Variants in OTUD4 observed in about 807,000 individuals in gnomAD.
The protein encoded by OTUD4 is OTU domain-containing protein 4.
A neutral mutation model predicts 130.4 loss-of-function variants in OTUD4; 24 were observed. The observed-to-expected ratio is 0.18, with a 90% confidence interval of 0.13 to 0.26. The LOEUF (loss-of-function observed/expected upper bound fraction) is 0.26. Among genes scored for constraint, OTUD4 ranks in the 10% least tolerant of loss-of-function variants. The pLI, the probability that OTUD4 is intolerant of heterozygous loss-of-function variation, is 1.00. For synonymous variants in OTUD4, 420 were observed against 472.5 expected (o/e 0.89, Z 1.44); for missense variants, 1,031 against 1,329.4 (o/e 0.78, Z 3.49).
At chr4:145,160,551 A>G (rs890242253) in intron 6 of OTUD4, among the ~76,000 whole-genome samples, 1 of 152,168 alleles carries the variant, frequency 6.6e-6, no homozygotes, top group African/African-American at 2.4e-5. Context: ...GGAGGCTCAC[A>G]CCTGTAATCC....
intron 7 of OTUD4, 52 bp from the exon 8 acceptor site, chr4:145,156,048 T>G: frequency 7.1e-7 from 1 of 1,412,256 alleles, no homozygotes; most frequent in Non-Finnish European, 9.9e-7. Flanking sequence ...TTGCACGTAA[T>G]TACCTTCTAA....
chr4:145,145,947 A>C, intron 14 of OTUD4: 1 of 164,300 alleles, frequency 6.1e-6, no homozygotes, highest in Non-Finnish European at 1.3e-5. Context: ...GGATTAACTA[A>C]ATCATGAACC....
At chr4:145,159,993 A>G (rs964970080) in intron 6 of OTUD4, among the ~76,000 whole-genome samples, 2 of 152,234 alleles carry the variant, frequency 1.3e-5, no homozygotes, top group African/African-American at 2.4e-5. Context: ...GCAGCTTTAT[A>G]TATCCTTACG....
At chr4:145,171,559 C>CT in intron 3 of OTUD4, 111 bp downstream of exon 3, 1 of 598,378 alleles carries the variant, frequency 1.7e-6, no homozygotes, top group Non-Finnish European at 3.0e-6. Flanking sequence ...TAGGATACAC[C>CT]GTCACTGCAA....
intron 17 of OTUD4, 30 bp downstream of exon 17, chr4:145,143,335 A>T: frequency 7.3e-7 from 1 of 1,366,654 alleles, no homozygotes; most frequent in Non-Finnish European, 1.0e-6. Context: ...AGAGTGGAGC[A>T]TTCAATGTTA....
At chr4:145,179,776 C>G in intron 1 of OTUD4, 39 bp downstream of exon 1, 6 of 1,387,124 alleles carry the variant, frequency 4.3e-6, no homozygotes, top group Non-Finnish European at 5.8e-6. Flanking sequence ...GGGCCGTCCC[C>G]GCCTCCCCTC....
At chr4:145,162,404 A>C (rs1324018834) in intron 6 of OTUD4, among the ~76,000 whole-genome samples, 2 of 152,066 alleles carry the variant, frequency 1.3e-5, no homozygotes, top group African/African-American at 4.8e-5. Flanking sequence ...ATACAAAAAA[A>C]TTAGCCAGGC....
At chr4:145,152,945 G>A (rs1478971215) in intron 10 of OTUD4, among the ~76,000 whole-genome samples, 3 of 150,884 alleles carry the variant, frequency 2.0e-5, no homozygotes, top group Non-Finnish European at 4.4e-5. Flanking sequence ...GTGTTGGCCA[G>A]CCTGGTCTCA....
At chr4:145,163,876 T>G (rs1185976570) in intron 5 of OTUD4, among the ~76,000 whole-genome samples, 1 of 151,942 alleles carries the variant, frequency 6.6e-6, no homozygotes, top group African/African-American at 2.4e-5. Context: ...CCGGCTAATT[T>G]TGTATTTTTT....
intron 20 of OTUD4, among the ~76,000 whole-genome samples, chr4:145,139,534 G>A (rs1750456361): frequency 6.6e-6 from 1 of 152,128 alleles, no homozygotes; most frequent in Non-Finnish European, 1.5e-5. Flanking sequence ...TTTCAATAAT[G>A]GAGGCAAGTA....
chr4:145,164,264 T>TAC, intron 4 of OTUD4, 38 bp from the exon 5 acceptor site: 1 of 938,342 alleles, frequency 1.1e-6, no homozygotes, highest in Non-Finnish European at 1.6e-6. Flanking sequence ...TAATGGACTA[T>TAC]ACTTCATGAA....
At position 145,164,246 on chromosome 4, in the gene OTUD4, A is replaced by G. The variant is rs559888513; in HGVS notation, c.342-20T>C. 3.8e-6 allele frequency: 4 copies of G among 1,042,872 alleles called. No homozygotes were observed. The highest frequency in any genetic ancestry group is 5.3e-5 in the East Asian group (2 of 38,042). 64.6% of individuals were successfully genotyped at this position (1,042,872 alleles called of 1,614,324 possible). ...TCTTTCCTGAAAATAACAATTAGAA[A>G]TTATTTATAATGGACTATACTTCAT... On this transcript the variant is annotated intron_variant, in intron 4 of 20. Coordinates refer to ENST00000447906, the MANE Select transcript of OTUD4 (RefSeq NM_001366057.1).
At chr4:145,161,862 A>G (rs1201510700) in intron 6 of OTUD4, among the ~76,000 whole-genome samples, 1 of 152,252 alleles carries the variant, frequency 6.6e-6, no homozygotes, top group East Asian at 1.9e-4. Flanking sequence ...AACAGTTTTT[A>G]AAATGCATAT....
chr4:145,174,922 C>G (rs976228879), intron 1 of OTUD4, among the ~76,000 whole-genome samples, 178 bp from the exon 2 acceptor site: 1 of 152,160 alleles, frequency 6.6e-6, no homozygotes, highest in African/African-American at 2.4e-5. Context: ...CTAAGCACAG[C>G]GAAGACATGA....
chr4:145,159,697 A>G (rs2126779308), intron 6 of OTUD4, 62 bp from the exon 7 acceptor site: 2 of 1,467,688 alleles, frequency 1.4e-6, no homozygotes. Flanking sequence ...AAAAACAGGA[A>G]CAGACCATCA....
At chr4:145,141,148 GAC>G (rs1000534537) in intron 19 of OTUD4, among the ~76,000 whole-genome samples, 1 of 138,462 alleles carries the variant, frequency 7.2e-6, no homozygotes, top group African/African-American at 2.8e-5. Flanking sequence ...CAGCCCGGGT[GAC>G]AGAGCGAGAC....
At chr4:145,155,141 C>T (rs1751226955) in intron 10 of OTUD4, among the ~76,000 whole-genome samples, 2 of 152,216 alleles carry the variant, frequency 1.3e-5, no homozygotes, top group Non-Finnish European at 2.9e-5. Flanking sequence ...GTTATCATTA[C>T]TTCTTTGAAC....
At chr4:145,179,164 A>C (rs150405410) in intron 1 of OTUD4, among the ~76,000 whole-genome samples, 11 of 152,334 alleles carry the variant, frequency 7.2e-5, no homozygotes, top group African/African-American at 2.2e-4. Context: ...ACCAACATCA[A>C]AACAGGCTTT....
intron 3 of OTUD4, chr4:145,171,320 CAA>C (rs111725395): frequency 2.2e-3 from 303 of 136,900 alleles, no homozygotes; most frequent in South Asian, 4.3e-3. Context: ...AATTCCACCT[CAA>C]AAAAAAAAAA....
Sources: gnomAD v4.1 joint callset for allele counts (sites outside exome capture counted in the v4.1 genomes callset) on GRCh38, gnomAD v4.1.1 for gene constraint, MANE v1.5 for transcripts, NCBI Gene and HGNC (gene_info 2026-07-23, HGNC 2026-07-21) for gene names.